Variants in CDH13 observed in about 807,000 individuals in gnomAD.
The protein encoded by CDH13 is cadherin 13, also known as cadherin-13.
In CDH13, 24 loss-of-function variants were observed where a neutral mutation model predicts 63.8. The observed-to-expected ratio is 0.38, with a 90% CI of 0.27 to 0.53. CDH13 has a LOEUF of 0.53. CDH13 is among the 20% of genes least tolerant of loss of function. The pLI is 0.85. For missense variants in CDH13, 1,049 were observed against 903.1 expected (o/e 1.16, Z -2.07); for synonymous variants, 503 against 355.3 (o/e 1.42, Z -4.67).
At chr16:82,999,007 A>G (rs1036208725) in intron 2 of CDH13, among the ~76,000 whole-genome samples, 1 of 152,100 alleles carries the variant, frequency 6.6e-6, no homozygotes, top group African/African-American at 2.4e-5. Context: ...TCTCCTCCCA[A>G]GAACATCCCT....
intron 1 of CDH13, among the ~76,000 whole-genome samples, chr16:82,689,559 C>T (rs187501169): frequency 1.3e-5 from 2 of 152,312 alleles, no homozygotes; most frequent in Admixed American, 1.3e-4. Flanking sequence ...ACTTCCGTCA[C>T]TGCCATATTT....
intron 1 of CDH13, among the ~76,000 whole-genome samples, chr16:82,703,663 C>T (rs576590773): frequency 6.6e-6 from 1 of 152,190 alleles, no homozygotes; most frequent in East Asian, 1.9e-4. Context: ...CTACTTAAGA[C>T]AAGGGAGAAT....
At chr16:82,806,296 A>C (rs776655191) in intron 1 of CDH13, among the ~76,000 whole-genome samples, 1 of 152,144 alleles carries the variant, frequency 6.6e-6, no homozygotes, top group African/African-American at 2.4e-5. Flanking sequence ...TCTTCTTTCC[A>C]GCCCAGGGAG....
intron 2 of CDH13, among the ~76,000 whole-genome samples, chr16:82,941,122 C>T (rs944791850): frequency 6.6e-6 from 1 of 152,124 alleles, no homozygotes; most frequent in African/African-American, 2.4e-5. Flanking sequence ...GATCAGGAAG[C>T]TCTGAAAGCT....
At chr16:83,614,497 G>A (rs1172149520) in intron 8 of CDH13, among the ~76,000 whole-genome samples, 2 of 152,210 alleles carry the variant, frequency 1.3e-5, no homozygotes, top group East Asian at 3.8e-4. Flanking sequence ...CACAATCTGG[G>A]AAATGCCTTC....
chr16:83,295,016 C>G (rs1456992186), intron 5 of CDH13, among the ~76,000 whole-genome samples: 2 of 152,108 alleles, frequency 1.3e-5, no homozygotes, highest in Non-Finnish European at 2.9e-5. Flanking sequence ...CAGCATGGTA[C>G]TGTTATAACA....
intron 2 of CDH13, among the ~76,000 whole-genome samples, chr16:83,003,775 A>T (rs984680806): frequency 2.6e-5 from 4 of 152,242 alleles, no homozygotes; most frequent in African/African-American, 9.6e-5. Flanking sequence ...GTTCCTTAGA[A>T]TGTTTGCTGG....
chr16:82,694,951 G>A (rs1046571808), intron 1 of CDH13, among the ~76,000 whole-genome samples: 1 of 152,152 alleles, frequency 6.6e-6, no homozygotes, highest in Non-Finnish European at 1.5e-5. Context: ...CTGATTATAT[G>A]ACCATGGAGC....
At chr16:82,781,277 C>T (rs1440493229) in intron 1 of CDH13, among the ~76,000 whole-genome samples, 2 of 152,174 alleles carry the variant, frequency 1.3e-5, no homozygotes, top group African/African-American at 4.8e-5. Flanking sequence ...TTACAGCATT[C>T]TCTATATTCG....
intron 13 of CDH13, among the ~76,000 whole-genome samples, chr16:83,792,183 C>T (rs1407421085): frequency 7.2e-5 from 11 of 152,344 alleles, no homozygotes; most frequent in African/African-American, 2.6e-4. Context: ...GGCCTGCAGA[C>T]GGCCGCGGTC....
chr16:82,679,148 C>T (rs1361968260), intron 1 of CDH13, among the ~76,000 whole-genome samples: 3 of 152,200 alleles, frequency 2.0e-5, no homozygotes, highest in Non-Finnish European at 4.4e-5. Context: ...CATTCCCAAA[C>T]TTTGCAAGCA....
intron 4 of CDH13, among the ~76,000 whole-genome samples, chr16:83,183,939 C>T (rs1468126438): frequency 6.6e-6 from 1 of 152,048 alleles, no homozygotes; most frequent in Non-Finnish European, 1.5e-5. Context: ...CCACCCCAAT[C>T]CCAAAATTCC....
chr16:83,238,772 G>A (rs115379545), intron 5 of CDH13, among the ~76,000 whole-genome samples: 6 of 151,822 alleles, frequency 4.0e-5, no homozygotes, highest in Admixed American at 6.6e-5. Context: ...TTGTTTTAGC[G>A]TTGAACACTT....
intron 11 of CDH13, among the ~76,000 whole-genome samples, chr16:83,769,248 C>T (rs1242652322): frequency 1.3e-5 from 2 of 152,156 alleles, no homozygotes; most frequent in African/African-American, 4.8e-5. Context: ...GTCTGAAAAA[C>T]ATCTTAAGTG....
At chr16:83,324,321 C>T (rs1206065392) in intron 5 of CDH13, among the ~76,000 whole-genome samples, 1 of 152,178 alleles carries the variant, frequency 6.6e-6, no homozygotes, top group Admixed American at 6.5e-5. Flanking sequence ...AGGCATGAGC[C>T]ACTGCTCCCG....
intron 1 of CDH13, among the ~76,000 whole-genome samples, chr16:82,762,490 C>A (rs2034891452): frequency 6.6e-6 from 1 of 152,136 alleles, no homozygotes; most frequent in South Asian, 2.1e-4. Context: ...ATTTAATAAA[C>A]CCCTAAGTCA....
At chr16:82,965,682 G>A (rs1190746598) in intron 2 of CDH13, among the ~76,000 whole-genome samples, 3 of 152,096 alleles carry the variant, frequency 2.0e-5, no homozygotes, top group Admixed American at 6.5e-5. Flanking sequence ...TAGTAGTGAC[G>A]GGGTTTCACC....
intron 1 of CDH13, among the ~76,000 whole-genome samples, chr16:82,808,904 A>T (rs914687860): frequency 6.6e-6 from 1 of 152,168 alleles, no homozygotes; most frequent in Non-Finnish European, 1.5e-5. Flanking sequence ...TGTAGTGAGC[A>T]TCCTTATACC....
intron 1 of CDH13, among the ~76,000 whole-genome samples, chr16:82,792,586 A>G (rs1041270160): frequency 1.3e-5 from 2 of 152,114 alleles, no homozygotes; most frequent in African/African-American, 4.8e-5. Context: ...CCCTAGATAG[A>G]AGGCAAGTGT....
Sources: gnomAD v4.1 joint callset for allele counts (sites outside exome capture counted in the v4.1 genomes callset) on GRCh38, gnomAD v4.1.1 for gene constraint, MANE v1.5 for transcripts, NCBI Gene and HGNC (gene_info 2026-07-23, HGNC 2026-07-21) for gene names.